The following AGPAT4 variants were observed in gnomAD, a reference collection of about 807,000 sequenced individuals.
AGPAT4 encodes 1-acyl-sn-glycerol-3-phosphate acyltransferase delta.
Under a neutral mutation model 48.0 loss-of-function variants are expected in AGPAT4, and 15 were observed. That is an observed-to-expected ratio of 0.31 (90% CI 0.21 to 0.48). The LOEUF (loss-of-function observed/expected upper bound fraction) is 0.48, where lower values mean the gene tolerates loss of function less well. AGPAT4 is among the 20% of genes least tolerant of loss of function. The pLI, the probability that AGPAT4 is intolerant of heterozygous loss-of-function variation, is 0.99. For synonymous variants in AGPAT4, 178 were observed against 198.7 expected (o/e 0.90, Z 0.88); for missense variants, 314 against 482.5 (o/e 0.65, Z 3.27).
Position 161,181,355 on chromosome 6 carries a change from G to A in AGPAT4, c.179-14938C>T, listed in dbSNP as rs563962525. On this transcript the variant is annotated intron_variant, in intron 2 of 8. Transcript: ENST00000320285. Reference sequence around the variant, plus strand: ...AGTCCCTTTGTGCACTAAGCAGCTAGCTCCAAGCTGTACCACACTTACACT... The same window carrying A: ...AGTCCCTTTGTGCACTAAGCAGCTAACTCCAAGCTGTACCACACTTACACT... Among the ~76,000 whole-genome samples, 321 of 152,154 alleles carry A rather than the reference G, an allele frequency of 2.1e-3. 3 individuals are homozygous for A. The highest frequency in any genetic ancestry group is 7.3e-3 in the African/African-American group (305 of 41,498).
At chr6:161,193,230 G>A (rs1296503014) in intron 2 of AGPAT4, among the ~76,000 whole-genome samples, 1 of 152,150 alleles carries the variant, frequency 6.6e-6, no homozygotes, top group African/African-American at 2.4e-5. Flanking sequence ...ATTTCCTTCT[G>A]ATGTGTCTTC....
rs371862160 is a variant in AGPAT4 at position 161,264,637 on chromosome 6, G to C, written c.-90+9301C>G. 6.6e-6 allele frequency among the ~76,000 whole-genome samples: 1 copy of C among 152,178 alleles called. No homozygotes were observed. Among genetic ancestry groups the C allele is most frequent in the East Asian group, 1.9e-4 (1 of 5,184 alleles). On this transcript the variant is annotated intron_variant, in intron 1 of 8. Transcript: ENST00000320285. The surrounding 1 kb of genome is among the most constrained non-coding windows in gnomAD (Gnocchi z 6.8). ...TTCCGTCTTGCCCTCTGGGCAGCAG[G>C]CTCCTCAAAGGCACTTGCAGGGTCG...
chr6:161,198,491 G>A lies in AGPAT4; in HGVS notation c.179-32074C>T, dbSNP rs189541866. Among the ~76,000 whole-genome samples, 20 of 152,364 alleles carry A rather than the reference G, an allele frequency of 1.3e-4. No individual in the cohort carries two copies. The East Asian group carries it at 3.7e-3, about 28-fold the overall frequency. On this transcript the variant is annotated intron_variant, in intron 2 of 8. Coordinates refer to ENST00000320285, the MANE Select transcript of AGPAT4 (RefSeq NM_020133.3). This position sits in a 1 kb window ranked among gnomAD's most constrained non-coding sequence, Gnocchi z 4.3. ...AGTCCCAAGTGTCAACACAGCTGAG[G>A]TTGAGAAACCTGTCTTACGGCCATG...
intron 5 of AGPAT4, among the ~76,000 whole-genome samples, chr6:161,150,694 G>A (rs1271494423): frequency 2.0e-5 from 3 of 152,196 alleles, no homozygotes; most frequent in Admixed American, 6.5e-5. Context: ...GGCTGAAGGC[G>A]GGACTGTTCT....
Position 161,223,248 on chromosome 6 carries a change from G to A in AGPAT4, c.178+8788C>T, listed in dbSNP as rs969840090. Among the ~76,000 whole-genome samples, 3 of 152,186 alleles carry A rather than the reference G, an allele frequency of 2.0e-5. No homozygotes were observed. The highest frequency in any genetic ancestry group is 7.2e-5 in the African/African-American group (3 of 41,440). On this transcript the variant is annotated intron_variant, in intron 2 of 8. Coordinates refer to ENST00000320285, the MANE Select transcript of AGPAT4 (RefSeq NM_020133.3). The surrounding 1 kb of genome is among the most constrained non-coding windows in gnomAD (Gnocchi z 6.3). ...CCCCCTGGACTGAGCTTGGGTGCAC[G>A]TTTGTTAAAGAATGCCTGCTGGGCG...
At chr6:161,271,747 T>C (rs1303332200) in intron 1 of AGPAT4, among the ~76,000 whole-genome samples, 1 of 152,248 alleles carries the variant, frequency 6.6e-6, no homozygotes, top group Non-Finnish European at 1.5e-5. Context: ...TCTTTTTCCT[T>C]TCAGTTCTAT....
Position 161,174,319 on chromosome 6 carries a change from C to T in AGPAT4, c.179-7902G>A, listed in dbSNP as rs527733325. Among the ~76,000 whole-genome samples, 1,462 of 152,144 alleles carry T rather than the reference C, an allele frequency of 9.6e-3. 24 individuals carry two copies. The highest frequency in any genetic ancestry group is 0.033 in the African/African-American group (1,366 of 41,494). Reference sequence around the variant, plus strand: ...CATTTGTTTGTGTCCTCTTTTATTTCGTTGAGCAGTGGTTTGTAGTTCTCC... The same window carrying T: ...CATTTGTTTGTGTCCTCTTTTATTTTGTTGAGCAGTGGTTTGTAGTTCTCC... On this transcript the variant is annotated intron_variant, in intron 2 of 8. Coordinates refer to ENST00000320285, the MANE Select transcript of AGPAT4 (RefSeq NM_020133.3).
chr6:161,190,363 A>T (rs1416362947), intron 2 of AGPAT4, among the ~76,000 whole-genome samples: 1 of 152,206 alleles, frequency 6.6e-6, no homozygotes, highest in Non-Finnish European at 1.5e-5. Context: ...TTCCTTCACA[A>T]ATTTTCTGTA....
At chr6:161,211,866 G>A (rs927284403) in intron 2 of AGPAT4, among the ~76,000 whole-genome samples, 2 of 152,122 alleles carry the variant, frequency 1.3e-5, no homozygotes, top group Non-Finnish European at 2.9e-5. Flanking sequence ...TTCAGGTCCT[G>A]TAGAAGATGC....
chr6:161,219,416 T>G lies in AGPAT4; in HGVS notation c.178+12620A>C, dbSNP rs1331409819. Among the ~76,000 whole-genome samples the G allele has an allele frequency of 6.6e-6, 1 of 151,704 alleles. No homozygotes were observed. The highest frequency in any genetic ancestry group is 2.4e-5 in the African/African-American group (1 of 41,288). On this transcript the variant is annotated intron_variant, in intron 2 of 8. Coordinates refer to ENST00000320285, the MANE Select transcript of AGPAT4 (RefSeq NM_020133.3). This position sits in a 1 kb window ranked among gnomAD's most constrained non-coding sequence, Gnocchi z 4.9. Reference sequence around the variant, plus strand: ...AGATAAAAGGAACATAAATAGAAGCTCTCAGGTTTGTTTTTTCTATACCCC... The same window carrying G: ...AGATAAAAGGAACATAAATAGAAGCGCTCAGGTTTGTTTTTTCTATACCCC...
rs575406551 is a variant in AGPAT4 at position 161,225,633 on chromosome 6, G to A, written c.178+6403C>T. On this transcript the variant is annotated intron_variant, in intron 2 of 8. Coordinates refer to ENST00000320285, the MANE Select transcript of AGPAT4 (RefSeq NM_020133.3). This position sits in a 1 kb window ranked among gnomAD's most constrained non-coding sequence, Gnocchi z 5.0. ...GCAACCCCGCTAGCCCATCACTGGTGGAAGCAGAGGGATCTCGTGATGTGG... is the reference window on the plus strand; with the variant it reads ...GCAACCCCGCTAGCCCATCACTGGTAGAAGCAGAGGGATCTCGTGATGTGG... Among the ~76,000 whole-genome samples, 119 of 152,282 alleles carry A rather than the reference G, an allele frequency of 7.8e-4. No homozygotes were observed. The Middle Eastern group carries it at 0.01, about 13-fold the overall frequency.
At chr6:161,185,295 T>TC (rs1780737199) in intron 2 of AGPAT4, among the ~76,000 whole-genome samples, 1 of 147,746 alleles carries the variant, frequency 6.8e-6, no homozygotes, top group Non-Finnish European at 1.5e-5. Flanking sequence ...TTTTTTTTTT[T>TC]TTTTTTTTTT....
intron 2 of AGPAT4, among the ~76,000 whole-genome samples, chr6:161,228,894 C>T (rs6935695): frequency 6.6e-6 from 1 of 151,872 alleles, no homozygotes; most frequent in Non-Finnish European, 1.5e-5. Flanking sequence ...CAAAGCAACC[C>T]TCTAAAAATC....
chr6:161,168,941 T>C (rs187451895), intron 2 of AGPAT4, among the ~76,000 whole-genome samples: 10 of 152,326 alleles, frequency 6.6e-5, no homozygotes, highest in African/African-American at 2.4e-4. Flanking sequence ...TTAGAGATGC[T>C]GTGGATATTA....
chr6:161,255,531 T>C lies in AGPAT4; in HGVS notation c.-90+18407A>G, dbSNP rs1039905353. 2.6e-5 allele frequency among the ~76,000 whole-genome samples: 4 copies of C among 152,192 alleles called. No individual in the cohort carries two copies. The highest frequency in any genetic ancestry group is 1.3e-4 in the Admixed American group (2 of 15,280). On this transcript the variant is annotated intron_variant, in intron 1 of 8. Transcript: ENST00000320285. This position sits in a 1 kb window ranked among gnomAD's most constrained non-coding sequence, Gnocchi z 4.7. ...AGTATATCCATAAAATGGAATATTC[T>C]CCAGCCACAAGAAAGAATAAATTAA...
intron 2 of AGPAT4, among the ~76,000 whole-genome samples, chr6:161,188,452 T>A (rs1451073921): frequency 1.3e-5 from 2 of 152,220 alleles, no homozygotes; most frequent in East Asian, 3.8e-4. Context: ...AACTTCCCAG[T>A]GTTTCCAACA....
chr6:161,190,166 G>A lies in AGPAT4; in HGVS notation c.179-23749C>T, dbSNP rs916042312. Among the ~76,000 whole-genome samples, 13 of 152,304 alleles carry A rather than the reference G, an allele frequency of 8.5e-5. No homozygotes were observed. In the Middle Eastern group the frequency reaches 0.01, roughly 120 times the overall value. ...GAATAAGGAACACGGGATTTTTATG[G>A]CAGTGACGCTCTGCTGCAGGACATT... On this transcript the variant is annotated intron_variant, in intron 2 of 8. Transcript: ENST00000320285.
chr6:161,268,506 T>C (rs1783330735), intron 1 of AGPAT4, among the ~76,000 whole-genome samples: 1 of 152,132 alleles, frequency 6.6e-6, no homozygotes, highest in Non-Finnish European at 1.5e-5. Flanking sequence ...CCCCTCTCCT[T>C]ACAGGAATTT....
chr6:161,153,933 G>GGTCATACACGGCCCCACA, intron 4 of AGPAT4, among the ~76,000 whole-genome samples: 1 of 150,860 alleles, frequency 6.6e-6, no homozygotes, highest in East Asian at 2.0e-4. Flanking sequence ...ACGGCCCCAT[G>GGTCATACACGGCCCCACA]GTCATACACG....
Sources: allele counts gnomAD v4.1 joint callset (sites outside exome capture counted in the v4.1 genomes callset), GRCh38; gene constraint gnomAD v4.1.1; non-coding constraint Gnocchi (gnomAD v3.1); transcripts MANE v1.5; gene names NCBI Gene and HGNC (gene_info 2026-07-23, HGNC 2026-07-21).